Variants in RSRC1 observed in about 807,000 individuals in gnomAD.
RSRC1 encodes arginine and serine rich coiled-coil 1, also known as serine/Arginine-related protein 53.
A neutral mutation model predicts 49.1 loss-of-function variants in RSRC1; 39 were observed. The ratio of observed to expected loss-of-function variants is 0.79; its 90% CI spans 0.61 to 1.04. The LOEUF (loss-of-function observed/expected upper bound fraction) is 1.04. RSRC1 is among the 50% of genes least tolerant of loss of function. RSRC1 has a pLI of 0.00. For missense variants in RSRC1, 388 were observed against 402.4 expected, an observed-to-expected ratio of 0.96 and a Z score of 0.31; for synonymous variants, 143 against 130.8, an observed-to-expected ratio of 1.09 and a Z score of -0.63.
intron 7 of RSRC1, among the ~76,000 whole-genome samples, chr3:158,481,514 G>T (rs1438780242): frequency 1.3e-5 from 2 of 151,978 alleles, no homozygotes; most frequent in Non-Finnish European, 2.9e-5. Flanking sequence ...AATTCAGTTT[G>T]GTCAACAGCA....
At chr3:158,296,847 T>G (rs1256881696) in intron 4 of RSRC1, among the ~76,000 whole-genome samples, 1 of 151,950 alleles carries the variant, frequency 6.6e-6, no homozygotes, top group African/African-American at 2.4e-5. Flanking sequence ...GAAGTGGGAA[T>G]TTACTCTAAT....
At chr3:158,328,989 A>G (rs1184155413) in intron 5 of RSRC1, among the ~76,000 whole-genome samples, 2 of 151,622 alleles carry the variant, frequency 1.3e-5, no homozygotes, top group Non-Finnish European at 2.9e-5. Context: ...CATTCATTTG[A>G]TTTTCCATCC....
intron 5 of RSRC1, among the ~76,000 whole-genome samples, chr3:158,340,327 G>C (rs1730159059): frequency 6.6e-6 from 1 of 152,166 alleles, no homozygotes; most frequent in African/African-American, 2.4e-5. Flanking sequence ...TGAATCACAA[G>C]GTCAGGAGTT....
At chr3:158,396,123 G>T (rs1733596972) in intron 6 of RSRC1, among the ~76,000 whole-genome samples, 3 of 152,076 alleles carry the variant, frequency 2.0e-5, no homozygotes, top group Non-Finnish European at 4.4e-5. Flanking sequence ...TTATAAGTTG[G>T]AGCTAAACAT....
At chr3:158,141,496 T>A (rs1716746704) in intron 3 of RSRC1, among the ~76,000 whole-genome samples, 2 of 152,234 alleles carry the variant, frequency 1.3e-5, no homozygotes, top group African/African-American at 4.8e-5. Context: ...AAGCAGCTTT[T>A]AGAATTAAAC....
At chr3:158,221,923 C>T (rs1722242172) in intron 4 of RSRC1, among the ~76,000 whole-genome samples, 1 of 151,478 alleles carries the variant, frequency 6.6e-6, no homozygotes, top group South Asian at 2.1e-4. Flanking sequence ...ATCTATACTT[C>T]CAACATTTTC....
intron 6 of RSRC1, among the ~76,000 whole-genome samples, chr3:158,401,020 T>C (rs980121143): frequency 1.1e-4 from 17 of 152,178 alleles, no homozygotes; most frequent in African/African-American, 3.8e-4. Context: ...ACACAAATAC[T>C]AAACATTTTG....
At chr3:158,266,785 T>A (rs1019580377) in intron 4 of RSRC1, among the ~76,000 whole-genome samples, 3 of 152,164 alleles carry the variant, frequency 2.0e-5, no homozygotes, top group Non-Finnish European at 2.9e-5. Context: ...TTCACTCCTG[T>A]TGCCCAGGCT....
At chr3:158,402,066 G>A (rs967893714) in intron 6 of RSRC1, among the ~76,000 whole-genome samples, 55 of 151,972 alleles carry the variant, frequency 3.6e-4, no homozygotes, top group Non-Finnish European at 8.8e-5. Flanking sequence ...GATGATGCAA[G>A]AGCTGGACTT....
intron 5 of RSRC1, among the ~76,000 whole-genome samples, chr3:158,333,365 A>G (rs1015940568): frequency 6.6e-6 from 1 of 152,222 alleles, no homozygotes; most frequent in Admixed American, 6.5e-5. Flanking sequence ...TTCCTACCAT[A>G]TAAAACTAGT....
chr3:158,381,164 A>G (rs985683567), intron 6 of RSRC1, among the ~76,000 whole-genome samples: 1 of 152,254 alleles, frequency 6.6e-6, no homozygotes, highest in African/African-American at 2.4e-5. Flanking sequence ...ACTTAAACAC[A>G]TGAACACTTA....
At chr3:158,207,179 T>C (rs777377458) in intron 4 of RSRC1, among the ~76,000 whole-genome samples, 1 of 152,156 alleles carries the variant, frequency 6.6e-6, no homozygotes, top group Non-Finnish European at 1.5e-5. Flanking sequence ...TAATTATTAA[T>C]GATGAACAAG....
intron 6 of RSRC1, among the ~76,000 whole-genome samples, chr3:158,401,039 A>G (rs1341558235): frequency 6.6e-6 from 1 of 152,012 alleles, no homozygotes; most frequent in East Asian, 1.9e-4. Context: ...TGTTACAACT[A>G]CCCATAGTAT....
intron 1 of RSRC1, among the ~76,000 whole-genome samples, chr3:158,115,860 T>A (rs796623403): frequency 1.9e-4 from 29 of 152,308 alleles, no homozygotes; most frequent in African/African-American, 6.7e-4. Flanking sequence ...ACACCAAAAA[T>A]TGATTGTGTT....
In RSRC1 at chr3:158,482,975, T is replaced by C. The variant is rs73172139; in HGVS notation, c.652+21972T>C. On this transcript the variant is annotated intron_variant, in intron 7 of 9. Coordinates refer to ENST00000611884, the MANE Select transcript of RSRC1 (RefSeq NM_001271838.2). ...CTGTTAAATATTCAGTATTTTCTTG[T>C]CATGAATACAAATGGAGGACAAATT... 6.4e-3 allele frequency among the ~76,000 whole-genome samples: 972 copies of C among 152,082 alleles called. 12 individuals are homozygous for C. The highest frequency in any genetic ancestry group is 0.01 in the Non-Finnish European group (692 of 67,918).
intron 7 of RSRC1, among the ~76,000 whole-genome samples, chr3:158,524,853 A>C (rs1711911160): frequency 6.6e-6 from 1 of 152,036 alleles, no homozygotes; most frequent in Non-Finnish European, 1.5e-5. Flanking sequence ...TGAGGAAAAG[A>C]AACATTGACC....
At chr3:158,438,140 T>G (rs1736153089) in intron 6 of RSRC1, among the ~76,000 whole-genome samples, 1 of 152,108 alleles carries the variant, frequency 6.6e-6, no homozygotes, top group Non-Finnish European at 1.5e-5. Context: ...CAAGGAGAAC[T>G]ACAAACCACT....
At chr3:158,160,460 G>T (rs750559108) in intron 3 of RSRC1, among the ~76,000 whole-genome samples, 27 of 152,148 alleles carry the variant, frequency 1.8e-4, no homozygotes, top group Non-Finnish European at 7.4e-5. Flanking sequence ...ATAGAGAAAT[G>T]TGGGAAGGAA....
At chr3:158,480,413 A>G (rs1738560490) in intron 7 of RSRC1, among the ~76,000 whole-genome samples, 1 of 152,034 alleles carries the variant, frequency 6.6e-6, no homozygotes, top group South Asian at 2.1e-4. Flanking sequence ...TTAAAGTCAA[A>G]AAGACATTTC....
Sources: allele counts gnomAD v4.1 joint callset (sites outside exome capture counted in the v4.1 genomes callset), GRCh38; gene constraint gnomAD v4.1.1; transcripts MANE v1.5; gene names NCBI Gene and HGNC (gene_info 2026-07-23, HGNC 2026-07-21).